Variants in CNTNAP2 observed in about 807,000 individuals in gnomAD.
CNTNAP2 encodes contactin associated protein 2, also known as contactin-associated protein-like 2.
CNTNAP2 carries 98 observed loss-of-function variants against 155.2 expected under a neutral mutation model. The observed-to-expected ratio is 0.63, with a 90% CI of 0.54 to 0.75. The LOEUF (loss-of-function observed/expected upper bound fraction) is 0.75, where lower values mean the gene tolerates loss of function less well. Among genes scored for constraint, CNTNAP2 ranks in the 30% least tolerant of loss-of-function variants. The pLI is 0.00. For missense variants in CNTNAP2, 1,727 were observed against 1,688.1 expected (o/e 1.02, Z -0.40); for synonymous variants, 651 against 631.2 (o/e 1.03, Z -0.47).
chr7:147,234,631 G>A (rs1030660432), intron 8 of CNTNAP2, among the ~76,000 whole-genome samples: 7 of 152,076 alleles, frequency 4.6e-5, no homozygotes, highest in Non-Finnish European at 8.8e-5. Flanking sequence ...GAGCCACCGC[G>A]CCCGGCCCAG....
chr7:147,282,889 CCCAGCCA>C, intron 8 of CNTNAP2, among the ~76,000 whole-genome samples: 2 of 151,938 alleles, frequency 1.3e-5, no homozygotes, highest in South Asian at 4.1e-4. Flanking sequence ...AACCACTTCA[CCCAGCCA>C]CCATTAAGTT....
chr7:147,622,932 C>T (rs2116895454), intron 12 of CNTNAP2, among the ~76,000 whole-genome samples: 1 of 152,108 alleles, frequency 6.6e-6, no homozygotes, highest in East Asian at 1.9e-4. Flanking sequence ...AAAAAGGAGA[C>T]ATTACAACTG....
intron 8 of CNTNAP2, among the ~76,000 whole-genome samples, chr7:147,287,949 T>G (rs150870437): frequency 6.6e-5 from 10 of 152,142 alleles, no homozygotes; most frequent in African/African-American, 2.2e-4. Flanking sequence ...TCCTAATAGA[T>G]GTCCTTACCT....
chr7:146,576,734 C>G (rs1288922070), intron 1 of CNTNAP2, among the ~76,000 whole-genome samples: 1 of 152,086 alleles, frequency 6.6e-6, no homozygotes, highest in Admixed American at 6.6e-5. Context: ...TTCTCTTTAC[C>G]ATTTCCTCAT....
chr7:146,231,319 T>C (rs1799381011), intron 1 of CNTNAP2, among the ~76,000 whole-genome samples: 1 of 152,154 alleles, frequency 6.6e-6, no homozygotes. Context: ...CACATCTCCT[T>C]AGTAAGACGC....
At chr7:146,990,534 T>C (rs1325996522) in intron 3 of CNTNAP2, among the ~76,000 whole-genome samples, 1 of 152,144 alleles carries the variant, frequency 6.6e-6, no homozygotes, top group African/African-American at 2.4e-5. Flanking sequence ...TTTATGAGTA[T>C]ATACTATTCT....
chr7:147,560,168 CA>C (rs71183016), intron 11 of CNTNAP2, among the ~76,000 whole-genome samples: 3,117 of 52,760 alleles, frequency 0.059, 82 homozygotes, highest in African/African-American at 0.093. Context: ...AACTCCGTCT[CA>C]AAAAAAAAAA....
chr7:146,137,186 A>G (rs1797810013), intron 1 of CNTNAP2, among the ~76,000 whole-genome samples: 1 of 152,288 alleles, frequency 6.6e-6, no homozygotes, highest in South Asian at 2.1e-4. Flanking sequence ...CACAGTATGC[A>G]GTATTAATTT....
chr7:147,706,253 G>A (rs1201083969), intron 13 of CNTNAP2, among the ~76,000 whole-genome samples: 1 of 141,052 alleles, frequency 7.1e-6, no homozygotes, highest in Non-Finnish European at 1.5e-5. Flanking sequence ...TGGTTTTTAT[G>A]ATGGTAGATA....
chr7:148,168,881 A>G (rs1805723588), intron 17 of CNTNAP2, among the ~76,000 whole-genome samples: 1 of 152,264 alleles, frequency 6.6e-6, no homozygotes. Flanking sequence ...CAAACATGTT[A>G]GAAGAAAATA....
intron 13 of CNTNAP2, among the ~76,000 whole-genome samples, chr7:147,752,518 T>G (rs79768416): frequency 0.011 from 1,668 of 152,294 alleles, 96 homozygotes; most frequent in Admixed American, 0.087. Context: ...CTCCTGTGTG[T>G]GTACAGGAAG....
At chr7:148,193,907 C>T (rs1795235718) in intron 18 of CNTNAP2, among the ~76,000 whole-genome samples, 2 of 151,442 alleles carry the variant, frequency 1.3e-5, no homozygotes, top group African/African-American at 2.4e-5. Flanking sequence ...GTGGAGAATC[C>T]TTCCCGTTTC....
chr7:147,526,905 G>A (rs558659431), intron 11 of CNTNAP2, among the ~76,000 whole-genome samples: 194 of 151,680 alleles, frequency 1.3e-3, no homozygotes, highest in African/African-American at 4.6e-3. Context: ...TATAAGCCAC[G>A]GATTAAGTTT....
chr7:147,438,406 A>G (rs1023741785), intron 10 of CNTNAP2, among the ~76,000 whole-genome samples: 1 of 149,856 alleles, frequency 6.7e-6, no homozygotes, highest in Non-Finnish European at 1.5e-5. Flanking sequence ...GATATGATGT[A>G]TCACATTGAT....
At chr7:147,373,714 C>T (rs1162459462) in intron 9 of CNTNAP2, among the ~76,000 whole-genome samples, 3 of 151,912 alleles carry the variant, frequency 2.0e-5, no homozygotes, top group Admixed American at 6.6e-5. Flanking sequence ...TTTGTATGAA[C>T]TGTATACCAC....
chr7:146,117,234 A>G, intron 1 of CNTNAP2: 1 of 519,442 alleles, frequency 1.9e-6, no homozygotes, highest in East Asian at 3.1e-5. Context: ...GAGCTTGGCT[A>G]GAGAGACTGA....
intron 1 of CNTNAP2, among the ~76,000 whole-genome samples, chr7:146,299,369 T>G (rs1800567343): frequency 1.3e-5 from 2 of 152,128 alleles, no homozygotes; most frequent in African/African-American, 4.8e-5. Flanking sequence ...ATCAAAATTA[T>G]AAAGCAGAAA....
intron 14 of CNTNAP2, among the ~76,000 whole-genome samples, chr7:147,928,050 G>A (rs1315862604): frequency 1.3e-5 from 2 of 152,154 alleles, no homozygotes; most frequent in African/African-American, 4.8e-5. Context: ...TCATGGCAGT[G>A]AATAAGTTTC....
chr7:147,084,976 A>G (rs1476847141), intron 4 of CNTNAP2, among the ~76,000 whole-genome samples: 1 of 151,752 alleles, frequency 6.6e-6, no homozygotes, highest in Admixed American at 6.6e-5. Context: ...ATCCTTTGCT[A>G]CCCACTAACT....
Sources: allele counts gnomAD v4.1 joint callset (sites outside exome capture counted in the v4.1 genomes callset), GRCh38; gene constraint gnomAD v4.1.1; transcripts MANE v1.5; gene names NCBI Gene and HGNC (gene_info 2026-07-23, HGNC 2026-07-21).